Variants in ASTN2 observed in about 807,000 individuals in gnomAD.
ASTN2 encodes astrotactin-2.
In ASTN2, 54 loss-of-function variants were observed where a neutral mutation model predicts 139.8. The observed-to-expected ratio is 0.39, with a 90% CI of 0.31 to 0.48. ASTN2 has a LOEUF of 0.48. Among genes scored for constraint, ASTN2 ranks in the 20% least tolerant of loss-of-function variants. The pLI is 0.95. For synonymous variants in ASTN2, 756 were observed against 719.5 expected (o/e 1.05, Z -0.81); for missense variants, 1,565 against 1,725.1 (o/e 0.91, Z 1.64).
Position 116,432,212 on chromosome 9 carries a change from C to G in ASTN2, c.3783-6124G>C, listed in dbSNP as rs60979241. Among the ~76,000 whole-genome samples, 369 of 152,294 alleles carry G rather than the reference C, an allele frequency of 2.4e-3. 2 individuals carry two copies. The highest frequency in any genetic ancestry group is 0.015 in the East Asian group (79 of 5,180). On this transcript the variant is annotated intron_variant, in intron 22 of 22. Transcript: ENST00000313400. ...GGACCACTTTTGCTGAGGTTCTATT[C>G]ATGACTCAAAGTCACACTGAAATTT... is the stretch of plus-strand genomic sequence containing the variant.
chr9:116,594,456 G>A (rs1475396536), intron 19 of ASTN2, among the ~76,000 whole-genome samples: 1 of 152,134 alleles, frequency 6.6e-6, no homozygotes, highest in African/African-American at 2.4e-5. Context: ...CAAGCCACTA[G>A]TATCAACTCT....
intron 6 of ASTN2, among the ~76,000 whole-genome samples, chr9:117,034,043 C>T (rs1450657351): frequency 9.2e-5 from 14 of 152,104 alleles, no homozygotes; most frequent in Admixed American, 9.2e-4. Context: ...CTTGTGGCTG[C>T]CAAATCCTCT....
chr9:117,075,531 T>A (rs898712352), intron 5 of ASTN2, among the ~76,000 whole-genome samples: 6 of 151,838 alleles, frequency 4.0e-5, no homozygotes, highest in African/African-American at 7.3e-5. Context: ...GCAGGCTGAT[T>A]GTCTTTTTGG....
chr9:117,244,588 AGGG>A (rs1833316400), intron 2 of ASTN2, among the ~76,000 whole-genome samples: 1 of 4,754 alleles, frequency 2.1e-4, no homozygotes, highest in Non-Finnish European at 7.1e-4. Flanking sequence ...GGAGGGAGGG[AGGG>A]AGGGAGGGAG....
intron 20 of ASTN2, among the ~76,000 whole-genome samples, chr9:116,453,524 G>A (rs2118930813): frequency 6.7e-6 from 1 of 148,322 alleles, no homozygotes; most frequent in Non-Finnish European, 1.5e-5. Context: ...AACCCAGGAG[G>A]TGGAGCTTGC....
In ASTN2 at chr9:117,414,875, G is replaced by A. The variant is rs1831287031; in HGVS notation, c.64C>T (p.Leu22Phe). The A allele has an allele frequency of 3.2e-6, 3 of 951,912 alleles. 1 individual carries two copies. The highest frequency in any genetic ancestry group is 3.9e-6 in the Non-Finnish European group (3 of 761,682). 59.0% of individuals were successfully genotyped at this position (951,912 alleles called of 1,614,324 possible). The change falls in exon 1 of 23, where the codon CTC becomes TTC. Residue 22 changes from leucine (L) to phenylalanine (F), a missense_variant. Leu to Phe is a conservative substitution (Grantham distance 22, BLOSUM62 0). Transcript: ENST00000313400. The surrounding 1 kb of genome is among the most constrained non-coding windows in gnomAD (Gnocchi z 4.2). ...PGSGLRGRPRLCFHPGPPPLL... is the reference protein window; with the variant it reads ...PGSGLRGRPRFCFHPGPPPLL... ...GGCGGCGGCCCCGGGTGGAAGCAGAGCCTCGGCCGCCCCCGGAGCCCCGAG... is the reference window on the plus strand; with the variant it reads ...GGCGGCGGCCCCGGGTGGAAGCAGAACCTCGGCCGCCCCCGGAGCCCCGAG...
At chr9:116,992,924 T>A (rs888868481) in intron 7 of ASTN2, among the ~76,000 whole-genome samples, 7 of 152,204 alleles carry the variant, frequency 4.6e-5, no homozygotes, top group Non-Finnish European at 2.9e-5. Context: ...CTTTCTGCCT[T>A]GGCTTTTCCC....
At chr9:116,727,607 A>G (rs1172785305) in intron 15 of ASTN2, among the ~76,000 whole-genome samples, 1 of 152,136 alleles carries the variant, frequency 6.6e-6, no homozygotes, top group Admixed American at 6.5e-5. Flanking sequence ...AAGTAATACA[A>G]CTGGGTAATT....
intron 13 of ASTN2, among the ~76,000 whole-genome samples, chr9:116,799,638 G>T (rs1055132998): frequency 1.4e-5 from 2 of 145,664 alleles, no homozygotes; most frequent in Admixed American, 1.4e-4. Context: ...CTAAATCTCT[G>T]CAATCTATAA....
chr9:117,187,287 G>A (rs182281513), intron 3 of ASTN2, among the ~76,000 whole-genome samples: 219 of 152,264 alleles, frequency 1.4e-3, no homozygotes, highest in African/African-American at 4.5e-3. Flanking sequence ...GGAACTGGGG[G>A]AACAAGCCAT....
chr9:116,808,509 T>TCTTAA lies in ASTN2; in HGVS notation c.2208-2694_2208-2690dup, dbSNP rs1270095338. 3.3e-5 allele frequency among the ~76,000 whole-genome samples: 5 copies of TCTTAA among 152,332 alleles called. 1 individual carries two copies. The highest frequency in any genetic ancestry group is 2.0e-4 in the Admixed American group (3 of 15,304). On this transcript the variant is annotated intron_variant, in intron 12 of 22. Coordinates refer to ENST00000313400, the MANE Select transcript of ASTN2 (RefSeq NM_001365068.1). ...AACACTATATATATAGATCTATCTTTCTTAATGGTTATTTGGCATTGCACA... is the reference window on the plus strand; with the variant it reads ...AACACTATATATATAGATCTATCTTTCTTAACTTAATGGTTATTTGGCATTGCACA...
chr9:117,288,826 C>T (rs1834513277), intron 2 of ASTN2, among the ~76,000 whole-genome samples: 1 of 152,266 alleles, frequency 6.6e-6, no homozygotes, highest in East Asian at 1.9e-4. Context: ...ACCTCAGTAT[C>T]CAACTATGGA....
At chr9:117,355,193 T>C (rs527387477) in intron 1 of ASTN2, among the ~76,000 whole-genome samples, 1 of 152,168 alleles carries the variant, frequency 6.6e-6, no homozygotes, top group Non-Finnish European at 1.5e-5. Flanking sequence ...TAGTGAATAG[T>C]CAGCAAATTC....
intron 13 of ASTN2, among the ~76,000 whole-genome samples, chr9:116,735,574 G>T (rs1227802283): frequency 6.6e-6 from 1 of 152,210 alleles, no homozygotes. Flanking sequence ...ACAGATTGAT[G>T]TTTCCCCTTG....
At chr9:116,923,734 T>C (rs1160084361) in intron 10 of ASTN2, among the ~76,000 whole-genome samples, 1 of 152,198 alleles carries the variant, frequency 6.6e-6, no homozygotes, top group Non-Finnish European at 1.5e-5. Flanking sequence ...TTGGAATCCT[T>C]AAATCTCAGA....
chr9:117,038,671 G>A (rs999801905), intron 6 of ASTN2, among the ~76,000 whole-genome samples: 3 of 152,120 alleles, frequency 2.0e-5, no homozygotes, highest in Non-Finnish European at 4.4e-5. Flanking sequence ...TTATTAAGTT[G>A]CACAGTTAAG....
chr9:116,634,414 C>T (rs1035718436), intron 17 of ASTN2, among the ~76,000 whole-genome samples: 9 of 151,480 alleles, frequency 5.9e-5, no homozygotes, highest in African/African-American at 1.7e-4. Context: ...CACGGTGAAA[C>T]CCCGTCTCTA....
intron 1 of ASTN2, among the ~76,000 whole-genome samples, chr9:117,299,072 T>G (rs751460650): frequency 3.9e-5 from 6 of 152,092 alleles, no homozygotes; most frequent in Non-Finnish European, 5.9e-5. Flanking sequence ...TGAAGTGAGA[T>G]AGGGGAAGTT....
intron 19 of ASTN2, among the ~76,000 whole-genome samples, chr9:116,505,362 C>T (rs1850063948): frequency 1.3e-5 from 2 of 151,986 alleles, no homozygotes; most frequent in South Asian, 4.2e-4. Context: ...CTGTTTCCAC[C>T]TCTCCCTTAC....
Sources: gnomAD v4.1 joint callset for allele counts (sites outside exome capture counted in the v4.1 genomes callset) on GRCh38, gnomAD v4.1.1 for gene constraint, Gnocchi (gnomAD v3.1) non-coding constraint, MANE v1.5 for transcripts, NCBI Gene and HGNC (gene_info 2026-07-23, HGNC 2026-07-21) for gene names.